SCML4: variants seen among roughly 807,000 people sequenced by gnomAD.
SCML4 encodes sex comb on midleg-like protein 4.
In SCML4, 34 loss-of-function variants were observed where a neutral mutation model predicts 41.1. The observed-to-expected ratio is 0.83, with a 90% CI of 0.63 to 1.10. The LOEUF is 1.10. SCML4 is among the 50% of genes least tolerant of loss of function. The pLI is 0.00. For missense variants in SCML4, 522 were observed against 534.1 expected, an observed-to-expected ratio of 0.98 and a Z score of 0.22; for synonymous variants, 214 against 220.9, an observed-to-expected ratio of 0.97 and a Z score of 0.28.
chr6:107,707,789 G>A (rs3734750), intron 7 of SCML4, 77 bp downstream of exon 7: 46,375 of 1,533,034 alleles, frequency 0.03, 1,312 homozygotes, highest in East Asian at 0.16. Flanking sequence ...GCAGCATCCC[G>A]CAGCTCCCTG....
intron 1 of SCML4, among the ~76,000 whole-genome samples, chr6:107,803,363 C>G (rs1389786172): frequency 6.6e-6 from 1 of 151,682 alleles, no homozygotes; most frequent in East Asian, 1.9e-4. Flanking sequence ...GCAGCCACCC[C>G]GTCTGGGAGG....
intron 2 of SCML4, among the ~76,000 whole-genome samples, chr6:107,769,242 G>A (rs1780318499): frequency 6.6e-6 from 1 of 152,234 alleles, no homozygotes. Context: ...CCCCAGTCAT[G>A]TGGCTGCGAG....
intron 5 of SCML4, among the ~76,000 whole-genome samples, chr6:107,744,378 C>A (rs765666366): frequency 1.3e-5 from 2 of 152,122 alleles, no homozygotes; most frequent in Admixed American, 6.5e-5. Flanking sequence ...ACCCCTAGGC[C>A]ACTTTCCATC....
the SCML4 span, among the ~76,000 whole-genome samples, chr6:107,840,044 T>A: frequency 6.6e-6 from 1 of 152,228 alleles, no homozygotes; most frequent in African/African-American, 2.4e-5. Flanking sequence ...TTATATATGC[T>A]TTATGAAAAT....
intron 5 of SCML4, among the ~76,000 whole-genome samples, chr6:107,741,046 G>C (rs1777557295): frequency 6.6e-6 from 1 of 152,164 alleles, no homozygotes; most frequent in South Asian, 2.1e-4. Flanking sequence ...CCTGAGCTGG[G>C]TGTGGGGCAG....
rs539253279 is a variant in SCML4 at position 107,824,221 on chromosome 6, A to G, written c.-155T>C. 6.6e-6 allele frequency: 1 copy of G among 152,370 alleles called. No homozygotes were observed. The highest frequency in any genetic ancestry group is 2.4e-5 in the African/African-American group (1 of 41,564). The allele number at this position is 152,370 out of a possible 1,614,324, so 9.4% of individuals were successfully genotyped here. A position where few individuals can be genotyped will look rare whatever the true frequency, so the allele number is the denominator to read the frequency against. On this transcript the variant is annotated 5_prime_UTR_variant, in exon 1 of 8. Coordinates refer to ENST00000369020, the MANE Select transcript of SCML4 (RefSeq NM_198081.5). ...GACTTTCAGCACATGCAAACCGAGTATTGCAAAAGCTATCTTCCACCCGTG... is the reference window on the plus strand; with the variant it reads ...GACTTTCAGCACATGCAAACCGAGTGTTGCAAAAGCTATCTTCCACCCGTG...
chr6:107,793,223 A>C, intron 1 of SCML4, among the ~76,000 whole-genome samples: 1 of 152,176 alleles, frequency 6.6e-6, no homozygotes, highest in East Asian at 1.9e-4. Flanking sequence ...GAAATTATTA[A>C]TTCAGAGGAT....
the SCML4 span, among the ~76,000 whole-genome samples, chr6:107,845,349 C>T: frequency 0.013 from 1,964 of 152,316 alleles, 22 homozygotes; most frequent in Non-Finnish European, 0.013. Flanking sequence ...GACCCAGAGG[C>T]CCCGACCACC....
intron 3 of SCML4, among the ~76,000 whole-genome samples, chr6:107,749,284 G>A (rs923808470): frequency 6.6e-6 from 1 of 152,076 alleles, no homozygotes; most frequent in South Asian, 2.1e-4. Context: ...GACTGAGGGC[G>A]AATGGGATCC....
chr6:107,706,382 T>C (rs1773632515), intron 7 of SCML4, among the ~76,000 whole-genome samples: 1 of 152,204 alleles, frequency 6.6e-6, no homozygotes, highest in South Asian at 2.1e-4. Context: ...TAAGTCCCCA[T>C]TGTTAGGTGA....
At chr6:107,755,895 C>T (rs910054210) in intron 2 of SCML4, among the ~76,000 whole-genome samples, 1 of 152,104 alleles carries the variant, frequency 6.6e-6, no homozygotes, top group African/African-American at 2.4e-5. Flanking sequence ...ATGGTGGGGA[C>T]TGGTTACAGG....
intron 6 of SCML4, among the ~76,000 whole-genome samples, chr6:107,717,693 G>A (rs1316962909): frequency 2.0e-5 from 3 of 152,104 alleles, no homozygotes; most frequent in East Asian, 1.9e-4. Context: ...TATTACAGGC[G>A]TGCATCACGA....
intron 5 of SCML4, among the ~76,000 whole-genome samples, chr6:107,744,236 C>A (rs1777851938): frequency 6.6e-6 from 1 of 152,190 alleles, no homozygotes; most frequent in Non-Finnish European, 1.5e-5. Context: ...AGAAGGAGCA[C>A]CTCCTGTTGA....
chr6:107,730,309 T>C (rs1219159294), intron 5 of SCML4, among the ~76,000 whole-genome samples: 2 of 151,892 alleles, frequency 1.3e-5, no homozygotes, highest in Non-Finnish European at 2.9e-5. Flanking sequence ...CGGCAGACCG[T>C]AGGGCTCACA....
chr6:107,720,649 C>A (rs377613746), intron 6 of SCML4, 54 bp downstream of exon 6: 1 of 1,467,780 alleles, frequency 6.8e-7, no homozygotes, highest in African/African-American at 1.4e-5. Flanking sequence ...GTGCTCCCCG[C>A]GCAAGGGCAA....
At position 107,705,167 on chromosome 6, in the gene SCML4, G is replaced by T; in HGVS notation, c.*33C>A. The T allele has an allele frequency of 6.5e-7, 1 of 1,543,804 alleles. No individual in the cohort carries two copies. Among genetic ancestry groups the T allele is most frequent in the Non-Finnish European group, 8.8e-7 (1 of 1,139,844 alleles). On this transcript the variant is annotated 3_prime_UTR_variant, in exon 8 of 8. Coordinates refer to ENST00000369020, the MANE Select transcript of SCML4 (RefSeq NM_198081.5). ...GCAGAAGATAATCTTGGGATCTGTT[G>T]TTTTGGGTTTCGCTTCTGTCTTTTT...
upstream of SCML4, among the ~76,000 whole-genome samples, chr6:107,828,039 C>T (rs1177901989): frequency 1.3e-5 from 2 of 152,156 alleles, no homozygotes; most frequent in Non-Finnish European, 1.5e-5. Context: ...GAAGCCCTTC[C>T]CATTTTGTAT....
At chr6:107,787,667 A>G (rs1782006592) in intron 1 of SCML4, among the ~76,000 whole-genome samples, 1 of 152,244 alleles carries the variant, frequency 6.6e-6, no homozygotes, top group African/African-American at 2.4e-5. Context: ...TACTTTGCTA[A>G]TAAAAATTCT....
chr6:107,803,311 CG>C (rs1562274431), intron 1 of SCML4, among the ~76,000 whole-genome samples: 1 of 150,090 alleles, frequency 6.7e-6, no homozygotes, highest in African/African-American at 2.5e-5. Flanking sequence ...CCCCTCCGCC[CG>C]GCAGCCACTT....
Sources: allele counts gnomAD v4.1 joint callset (sites outside exome capture counted in the v4.1 genomes callset), GRCh38; gene constraint gnomAD v4.1.1; transcripts MANE v1.5; gene names NCBI Gene and HGNC (gene_info 2026-07-23, HGNC 2026-07-21).